The following RPTOR variants were observed in gnomAD, a reference collection of about 807,000 sequenced individuals.
RPTOR encodes regulatory associated protein of MTOR complex 1, also known as regulatory-associated protein of mTOR.
In RPTOR, 21 loss-of-function variants were observed where a neutral mutation model predicts 169.9. The ratio of observed to expected loss-of-function variants is 0.12; its 90% CI spans 0.09 to 0.18. The LOEUF (loss-of-function observed/expected upper bound fraction) is 0.18. RPTOR is among the 10% of genes least tolerant of loss of function. The pLI is 1.00. For missense variants in RPTOR, 1,133 were observed against 1,855.9 expected (o/e 0.61, Z 7.16); for synonymous variants, 732 against 753.2 (o/e 0.97, Z 0.46).
At chr17:80,920,239 T>C (rs72859665) in intron 21 of RPTOR, among the ~76,000 whole-genome samples, 2,575 of 152,324 alleles carry the variant, frequency 0.017, 43 homozygotes, top group Middle Eastern at 0.037. Flanking sequence ...ACGCTACTCA[T>C]GTTCACAATC....
At chr17:80,623,134 C>T (rs1326280534) in intron 1 of RPTOR, among the ~76,000 whole-genome samples, 1 of 152,110 alleles carries the variant, frequency 6.6e-6, no homozygotes, top group Non-Finnish European at 1.5e-5. Flanking sequence ...TCTCCACTGT[C>T]ATCATTTTGT....
At chr17:80,890,230 A>G (rs1304862034) in intron 17 of RPTOR, among the ~76,000 whole-genome samples, 1 of 152,226 alleles carries the variant, frequency 6.6e-6, no homozygotes, top group Non-Finnish European at 1.5e-5. Context: ...ACGTTAATCC[A>G]TGCCAGCTCC....
At chr17:80,741,345 A>G (rs1457945324) in intron 5 of RPTOR, among the ~76,000 whole-genome samples, 2 of 152,124 alleles carry the variant, frequency 1.3e-5, no homozygotes, top group African/African-American at 4.8e-5. Context: ...GCAGGAGGCC[A>G]TGGCAGGCAG....
At chr17:80,600,792 G>A (rs531304279) in intron 1 of RPTOR, among the ~76,000 whole-genome samples, 3 of 152,176 alleles carry the variant, frequency 2.0e-5, no homozygotes, top group African/African-American at 7.2e-5. Flanking sequence ...GATGTGACGT[G>A]TGGTGGCCAG....
intron 9 of RPTOR, among the ~76,000 whole-genome samples, chr17:80,824,776 C>T (rs951672885): frequency 1.3e-5 from 2 of 152,250 alleles, no homozygotes; most frequent in African/African-American, 4.8e-5. Context: ...CGTATGTTTT[C>T]TCCAGATGTA....
chr17:80,884,688 C>A lies in RPTOR; in HGVS notation c.1843-320C>A, dbSNP rs536414371. Among the ~76,000 whole-genome samples the A allele has an allele frequency of 2.6e-5, 4 of 152,336 alleles. No individual in the cohort carries two copies. The South Asian group carries it at 8.3e-4, about 32-fold the overall frequency. The stretch of plus-strand genomic sequence containing the variant: ...CTTTCCACCCTCCCACGCTCTGTGG[C>A]CCATCCCAGCCCCCTCGTCTAACTC... On this transcript the variant is annotated intron_variant, in intron 16 of 33. Transcript: ENST00000306801.
chr17:80,665,470 T>TTTCATG (rs2065766291), intron 3 of RPTOR, among the ~76,000 whole-genome samples: 1 of 37,760 alleles, frequency 2.6e-5, no homozygotes, highest in African/African-American at 3.1e-4. Context: ...TTCCTTTCCT[T>TTTCATG]TCCTTTCCTT....
chr17:80,792,638 T>C (rs1189417272), intron 7 of RPTOR, among the ~76,000 whole-genome samples: 1 of 152,036 alleles, frequency 6.6e-6, no homozygotes, highest in East Asian at 1.9e-4. Flanking sequence ...TTCCAAAGGC[T>C]AAACAGATAG....
intron 21 of RPTOR, among the ~76,000 whole-genome samples, chr17:80,920,461 G>A (rs2068731531): frequency 6.6e-6 from 1 of 152,252 alleles, no homozygotes. Context: ...TACAAGCCAT[G>A]TGAAAGCAGG....
intron 1 of RPTOR, among the ~76,000 whole-genome samples, chr17:80,574,666 GT>G (rs1568313074): frequency 6.6e-6 from 1 of 151,482 alleles, no homozygotes; most frequent in Admixed American, 6.6e-5. Context: ...TTTTGTTGTT[GT>G]TTTTTTGAGA....
At chr17:80,781,312 T>C (rs570838054) in intron 6 of RPTOR, among the ~76,000 whole-genome samples, 1 of 152,306 alleles carries the variant, frequency 6.6e-6, no homozygotes, top group Admixed American at 6.5e-5. Context: ...GCAAATAGAA[T>C]CTTCAGCTTT....
chr17:80,923,906 T>C, intron 23 of RPTOR: 1 of 545,672 alleles, frequency 1.8e-6, no homozygotes. Context: ...TCCCGGTCCC[T>C]CTGCCTGCAC....
Position 80,545,760 on chromosome 17 carries a change from C to G in RPTOR, c.131C>G (p.Ser44Cys). Residue 44 changes from serine (S) to cysteine (C), a missense_variant, in exon 1 of 34, where the codon TCC becomes TGC. Transcript: ENST00000306801. ...RHCEKIEGSK[S>C]LAQSWRMKDR... ...TGTGAGAAAATTGAAGGCTCCAAAT[C>G]CTTAGCTCAGAGCTGGAGGATGAAG... The G allele has an allele frequency of 1.9e-6, 3 of 1,613,610 alleles. No individual in the cohort carries two copies. The highest frequency in any genetic ancestry group is 2.5e-6 in the Non-Finnish European group (3 of 1,179,754).
At chr17:80,899,076 G>A (rs2068443553) in intron 20 of RPTOR, among the ~76,000 whole-genome samples, 2 of 152,190 alleles carry the variant, frequency 1.3e-5, no homozygotes, top group South Asian at 4.2e-4. Flanking sequence ...ACCCAGACAC[G>A]CCAGCTTAGC....
At chr17:80,921,497 C>A (rs955274106) in intron 21 of RPTOR, among the ~76,000 whole-genome samples, 1 of 152,232 alleles carries the variant, frequency 6.6e-6, no homozygotes, top group African/African-American at 2.4e-5. Flanking sequence ...GGTGGCCGGG[C>A]AGCGCACGCC....
chr17:80,834,483 A>G (rs1187384110), intron 9 of RPTOR, among the ~76,000 whole-genome samples: 1 of 152,102 alleles, frequency 6.6e-6, no homozygotes, highest in African/African-American at 2.4e-5. Context: ...GCCTCTGTGC[A>G]TCAGTGAAAC....
At chr17:80,674,610 C>T (rs542243509) in intron 3 of RPTOR, among the ~76,000 whole-genome samples, 4 of 152,032 alleles carry the variant, frequency 2.6e-5, no homozygotes, top group Non-Finnish European at 5.9e-5. Flanking sequence ...AATGCATTTG[C>T]TTTGGAGTTT....
chr17:80,884,016 A>T, intron 16 of RPTOR, 44 bp downstream of exon 16: 1 of 1,580,022 alleles, frequency 6.3e-7, no homozygotes, highest in African/African-American at 1.3e-5. Flanking sequence ...CTGGCTGCCG[A>T]CTGCGGGGGT....
chr17:80,952,325 A>G (rs1468028), intron 28 of RPTOR, among the ~76,000 whole-genome samples: 23,490 of 152,098 alleles, frequency 0.15, 4,830 homozygotes, highest in African/African-American at 0.48. Context: ...GGTGCTCTCC[A>G]TCTTCGTCAG....
Sources: gnomAD v4.1 joint callset for allele counts (sites outside exome capture counted in the v4.1 genomes callset) on GRCh38, gnomAD v4.1.1 for gene constraint, MANE v1.5 for transcripts, NCBI Gene and HGNC (gene_info 2026-07-23, HGNC 2026-07-21) for gene names.